Variants in LY75 observed in about 807,000 individuals in gnomAD.
LY75 encodes C-type lectin domain family 13 member B.
LY75 carries 185 observed loss-of-function variants against 231.7 expected under a neutral mutation model. The ratio of observed to expected loss-of-function variants is 0.80; its 90% CI spans 0.71 to 0.90. The LOEUF is 0.90. LY75 is among the 40% of genes least tolerant of loss of function. The pLI is 0.00. For synonymous variants in LY75, 668 were observed against 689.0 expected (o/e 0.97, Z 0.48); for missense variants, 1,947 against 2,050.2 (o/e 0.95, Z 0.97).
At position 159,864,924 on chromosome 2, in the gene LY75, T is replaced by C. The variant is rs1352939498; in HGVS notation, c.2118-4A>G. On this transcript the variant is annotated splice_polypyrimidine_tract_variant and splice_region_variant and intron_variant, in intron 13 of 34. Coordinates refer to ENST00000263636, the MANE Select transcript of LY75 (RefSeq NM_002349.4). ...AATCCACAGCCAATGCTGGCCACTA[T>C]GTAAAAAGCAAGTGTTAAAAATACA... The C allele has an allele frequency of 3.1e-6, 5 of 1,595,292 alleles. No individual in the cohort carries two copies. Among genetic ancestry groups the C allele is most frequent in the African/African-American group, 1.4e-5 (1 of 74,064 alleles).
intron 16 of LY75, among the ~76,000 whole-genome samples, chr2:159,857,761 G>C (rs959895826): frequency 6.6e-6 from 1 of 152,084 alleles, no homozygotes; most frequent in Admixed American, 6.6e-5. Context: ...ATAATAATTT[G>C]AGAATTAAAG....
intron 18 of LY75, 84 bp downstream of exon 18, chr2:159,854,276 A>G (rs1307899507): frequency 8.6e-7 from 1 of 1,156,566 alleles, no homozygotes; most frequent in Non-Finnish European, 1.1e-6. Context: ...ACTTTTGTAG[A>G]TTTTGGCAAA....
At chr2:159,807,801 ACT>A in intron 33 of LY75, 2 of 948,722 alleles carry the variant, frequency 2.1e-6, no homozygotes, top group South Asian at 9.7e-5. Context: ...TCATATTTGT[ACT>A]CTTATTTCTA....
At chr2:159,817,950 G>A (rs981899215) in intron 29 of LY75, among the ~76,000 whole-genome samples, 3 of 152,154 alleles carry the variant, frequency 2.0e-5, no homozygotes, top group African/African-American at 7.2e-5. Context: ...TTGGGAGGCT[G>A]AGGCAGGAGA....
At chr2:159,874,133 A>T (rs1685109600) in intron 12 of LY75, among the ~76,000 whole-genome samples, 1 of 268 alleles carries the variant, frequency 3.7e-3, no homozygotes, top group African/African-American at 5.0e-3. Context: ...TAAATATATA[A>T]ACGTATATAT....
At chr2:159,883,293 AG>A (rs149119443) in intron 6 of LY75, among the ~76,000 whole-genome samples, 3 of 139,178 alleles carry the variant, frequency 2.2e-5, no homozygotes, top group African/African-American at 1.0e-4. Flanking sequence ...AAAAAAAAAA[AG>A]AAAAAAAAAT....
chr2:159,859,383 C>G (rs1684632750), intron 15 of LY75, among the ~76,000 whole-genome samples: 1 of 152,216 alleles, frequency 6.6e-6, no homozygotes, highest in African/African-American at 2.4e-5. Context: ...GAATCTCTTT[C>G]TTGGACTACA....
chr2:159,830,558 T>C (rs943837242), intron 28 of LY75, among the ~76,000 whole-genome samples: 19 of 151,896 alleles, frequency 1.3e-4, no homozygotes, highest in African/African-American at 3.9e-4. Flanking sequence ...TTCGAGCCCA[T>C]TGTCAGACCA....
At chr2:159,884,504 A>C (rs1457934966) in intron 6 of LY75, among the ~76,000 whole-genome samples, 3 of 152,036 alleles carry the variant, frequency 2.0e-5, no homozygotes, top group African/African-American at 7.2e-5. Flanking sequence ...CTTATTGTAC[A>C]CATTTTGTCC....
chr2:159,881,155 T>C lies in LY75; in HGVS notation c.1332A>G (p.Leu444=), dbSNP rs755847137. ...FQWSDGTEVT[L]TYWDENEPNV... is the part of the protein sequence containing the mutation. ...TTGGCTCATTCTCATCCCAATATGTTAGAGTAACTTCAGTACCATCTGACC... is the reference window on the plus strand; with the variant it reads ...TTGGCTCATTCTCATCCCAATATGTCAGAGTAACTTCAGTACCATCTGACC... Residue 444 remains leucine (L), a synonymous_variant, in exon 8 of 35, where the codon CTA becomes CTG. Transcript: ENST00000263636. The C allele has an allele frequency of 1.2e-6, 2 of 1,613,956 alleles. No individual in the cohort carries two copies. The highest frequency in any genetic ancestry group is 1.7e-6 in the Non-Finnish European group (2 of 1,179,898).
At position 159,853,630 on chromosome 2, in the gene LY75, T is replaced by C. The variant is rs749333888; in HGVS notation, c.2663A>G (p.Tyr888Cys). 1 of 1,613,524 alleles carries C rather than the reference T, an allele frequency of 6.2e-7. No individual in the cohort carries two copies. Among genetic ancestry groups the C allele is most frequent in the East Asian group, 2.2e-5 (1 of 44,792 alleles). Residue 888 changes from tyrosine (Y) to cysteine (C), a missense_variant and splice_region_variant, in exon 19 of 35, where the codon TAC (tyrosine) becomes TGC (cysteine). By Grantham distance (194) the Tyr-to-Cys change is radical. Transcript: ENST00000263636. ...SEWPIDDHFT[Y>C]SRYPWHRFPV... is the part of the protein sequence containing the mutation. ...AGGTAGAATCAATGATGTCACCTACTATGTAAAATGATCATCTATTGGCCA... is the reference window on the plus strand; with the variant it reads ...AGGTAGAATCAATGATGTCACCTACCATGTAAAATGATCATCTATTGGCCA...
At chr2:159,828,003 G>A (rs535003094) in intron 28 of LY75, among the ~76,000 whole-genome samples, 12 of 152,088 alleles carry the variant, frequency 7.9e-5, no homozygotes, top group South Asian at 2.1e-4. Context: ...AATACCTAAC[G>A]TAGGTGACGG....
intron 4 of LY75, 39 bp downstream of exon 4, chr2:159,890,174 T>G: frequency 1.3e-6 from 2 of 1,583,778 alleles, no homozygotes; most frequent in Non-Finnish European, 8.6e-7. Flanking sequence ...CCTTTACAAT[T>G]TTAGCCAATT....
chr2:159,898,900 C>G lies in LY75; in HGVS notation c.254G>C (p.Gly85Ala), dbSNP rs1245297538. The change falls in exon 2 of 35, where the codon GGC (glycine) becomes GCC (alanine). Residue 85 changes from glycine to alanine, a missense_variant. By Grantham distance (60) the Gly-to-Ala change is moderately conservative. Transcript: ENST00000263636. ...LFHLHSQKCLGLDITKSVNEL... is the reference protein window; with the variant it reads ...LFHLHSQKCLALDITKSVNEL... Reference sequence around the variant, plus strand: ...ATTTACCGATTTGGTAATATCGAGGCCAAGGCACTTTTGGGAGTGCAAATG... The same window carrying G: ...ATTTACCGATTTGGTAATATCGAGGGCAAGGCACTTTTGGGAGTGCAAATG... The G allele has an allele frequency of 1.2e-6, 2 of 1,614,178 alleles. No individual in the cohort carries two copies. Among genetic ancestry groups the G allele is most frequent in the South Asian group, 2.2e-5 (2 of 91,078 alleles).
At chr2:159,881,014 C>T in intron 8 of LY75, 69 bp downstream of exon 8, 2 of 1,544,182 alleles carry the variant, frequency 1.3e-6, no homozygotes, top group Non-Finnish European at 1.7e-6. Flanking sequence ...ACTTCCCAAC[C>T]AAAGAAGTCT....
intron 7 of LY75, among the ~76,000 whole-genome samples, chr2:159,881,712 C>G (rs1302458677): frequency 6.6e-6 from 1 of 152,014 alleles, no homozygotes; most frequent in Non-Finnish European, 1.5e-5. Context: ...TTTTCCTTTA[C>G]CAGTCTTTAG....
chr2:159,834,355 A>G, intron 26 of LY75, 144 bp from the exon 27 acceptor site: 1 of 1,064,202 alleles, frequency 9.4e-7, no homozygotes. Context: ...TTATACTCAG[A>G]TATAGCACAC....
In LY75 at chr2:159,872,589, A is replaced by T. The variant is rs1685049298; in HGVS notation, c.1979T>A (p.Phe660Tyr). The T allele has an allele frequency of 6.2e-7, 1 of 1,611,928 alleles. No homozygotes were observed. Among genetic ancestry groups the T allele is most frequent in the Non-Finnish European group, 8.5e-7 (1 of 1,179,372 alleles). The change falls in exon 13 of 35, where the codon TTC (phenylalanine) becomes TAC (tyrosine). Residue 660 changes from phenylalanine to tyrosine, a missense_variant. Transcript: ENST00000263636. ...CTTTCTTACAATTCTTTCTGCATGG[A>T]ATACCTTAGCAAAATATAATATTAA... Reference protein sequence around the residue: ...FPASLSCYKVFHAERIVRKRN... With the variant: ...FPASLSCYKVYHAERIVRKRN...
rs939929046 is a variant in LY75 at position 159,875,461 on chromosome 2, T to C, written c.1957A>G (p.Ser653Gly). ...CACTTTACCTTATAACAAGAAAGAC[T>C]TGCGGGGAAACTCTGCCAGCCTTCA... is the stretch of plus-strand genomic sequence containing the variant. ...CPEGWQSFPASLSCYKVFHAE... is the reference protein window; with the variant it reads ...CPEGWQSFPAGLSCYKVFHAE... The change falls in exon 12 of 35, where the codon AGT (serine) becomes GGT (glycine). Residue 653 changes from serine to glycine, a missense_variant. Transcript: ENST00000263636. 1.2e-5 allele frequency: 20 copies of C among 1,613,144 alleles called. No homozygotes were observed. The highest frequency in any genetic ancestry group is 2.7e-5 in the African/African-American group (2 of 74,842).
Sources: gnomAD v4.1 joint callset for allele counts (sites outside exome capture counted in the v4.1 genomes callset) on GRCh38, gnomAD v4.1.1 for gene constraint, MANE v1.5 for transcripts, NCBI Gene and HGNC (gene_info 2026-07-23, HGNC 2026-07-21) for gene names.